The following ARHGAP39 variants were observed in gnomAD, a reference collection of about 807,000 sequenced individuals.
ARHGAP39 encodes rho GTPase-activating protein 39.
A neutral mutation model predicts 106.9 loss-of-function variants in ARHGAP39; 44 were observed. The ratio of observed to expected loss-of-function variants is 0.41; its 90% CI spans 0.32 to 0.53. The LOEUF is 0.53. ARHGAP39 is among the 20% of genes least tolerant of loss of function. The pLI, the probability that ARHGAP39 is intolerant of heterozygous loss-of-function variation, is 0.21. For synonymous variants in ARHGAP39, 768 were observed against 693.2 expected (o/e 1.11, Z -1.69); for missense variants, 1,496 against 1,577.3 (o/e 0.95, Z 0.87).
intron 2 of ARHGAP39, among the ~76,000 whole-genome samples, chr8:144,590,719 A>G (rs111715738): frequency 0.12 from 17,496 of 152,126 alleles, 2,262 homozygotes; most frequent in African/African-American, 0.32. Flanking sequence ...TGTGCACTGA[A>G]GGGGTCTTTG....
intron 2 of ARHGAP39, among the ~76,000 whole-genome samples, chr8:144,587,038 A>G (rs373642936): frequency 2.0e-3 from 310 of 152,260 alleles, no homozygotes; most frequent in African/African-American, 6.8e-3. Context: ...ATGGTTTTAC[A>G]AGGGGCCTCC....
In ARHGAP39 at chr8:144,642,492, A is replaced by G. The variant is rs542670363; in HGVS notation, c.-81-36797T>C. 4.9e-4 allele frequency among the ~76,000 whole-genome samples: 75 copies of G among 151,532 alleles called. 1 individual carries two copies. The Middle Eastern group carries it at 0.01, about 21-fold the overall frequency. ...ACAGAGTGAGACTCCGTCTTAGGGG[A>G]AAAAAAATAGATAAAAATTAAAAAA... On this transcript the variant is annotated intron_variant, in intron 1 of 11. Transcript: ENST00000377307.
At chr8:144,650,000 G>A (rs1182082223) in intron 1 of ARHGAP39, among the ~76,000 whole-genome samples, 7 of 151,718 alleles carry the variant, frequency 4.6e-5, no homozygotes, top group East Asian at 1.9e-4. Context: ...AAAACCAGCC[G>A]GGCATGGTGG....
chr8:144,687,155 AC>A (rs570931136), upstream of ARHGAP39, among the ~76,000 whole-genome samples: 8 of 14,390 alleles, frequency 5.6e-4, no homozygotes, highest in South Asian at 3.3e-3. Flanking sequence ...AGCATTTCCC[AC>A]CCCCGTGACC....
At position 144,591,403 on chromosome 8, in the gene ARHGAP39, G is replaced by T. The variant is rs181051798; in HGVS notation, c.81-10126C>A. Among the ~76,000 whole-genome samples the T allele has an allele frequency of 3.3e-5, 5 of 152,324 alleles. No individual in the cohort carries two copies. The East Asian group carries it at 7.7e-4, about 24-fold the overall frequency. On this transcript the variant is annotated intron_variant, in intron 2 of 11. Transcript: ENST00000377307. This position sits in a 1 kb window ranked among gnomAD's most constrained non-coding sequence, Gnocchi z 5.3. The stretch of plus-strand genomic sequence containing the variant: ...CTGCAGGAAACTTGTCTTGAGGCCT[G>T]GGGGGACCAAAGGTAGCAGGGCCAC...
At chr8:144,596,901 A>C (rs988317573) in intron 2 of ARHGAP39, among the ~76,000 whole-genome samples, 19 of 152,142 alleles carry the variant, frequency 1.2e-4, no homozygotes, top group African/African-American at 4.6e-4. Context: ...CCACCTTCCC[A>C]ACTCTCCCTC....
chr8:144,663,774 C>A (rs1404912482), intron 1 of ARHGAP39, among the ~76,000 whole-genome samples: 1 of 152,218 alleles, frequency 6.6e-6, no homozygotes, highest in African/African-American at 2.4e-5. Context: ...ACTTCAGGCT[C>A]ATAAATGCAG....
Position 144,545,787 on chromosome 8 carries a change from G to T in ARHGAP39, c.1983C>A (p.Ala661=). Residue 661 remains alanine (A), a synonymous_variant, in exon 6 of 12, where the codon GCC becomes GCA. Transcript: ENST00000377307. The part of the protein sequence containing the change: ...PSQSEDLAAC[A]QFESSRQSRS... ...GGCTCTGCCGGCTGCTCTCGAACTG[G>T]GCACAGGCAGCGAGGTCCTCAGACT... 1 of 1,574,134 alleles carries T rather than the reference G, an allele frequency of 6.4e-7. No individual in the cohort carries two copies. Among genetic ancestry groups the T allele is most frequent in the Non-Finnish European group, 8.6e-7 (1 of 1,160,798 alleles).
At chr8:144,623,866 A>C (rs184296617) in intron 1 of ARHGAP39, among the ~76,000 whole-genome samples, 27 of 152,356 alleles carry the variant, frequency 1.8e-4, no homozygotes, top group Non-Finnish European at 3.7e-4. Context: ...AGAGCAGACA[A>C]AAAGCCTCCC....
At chr8:144,556,153 C>T (rs1053520067) in intron 3 of ARHGAP39, among the ~76,000 whole-genome samples, 1 of 151,912 alleles carries the variant, frequency 6.6e-6, no homozygotes, top group Non-Finnish European at 1.5e-5. Flanking sequence ...GGCGTGGTGG[C>T]GGGCGCCTGT....
chr8:144,619,968 G>C (rs1041509774), intron 1 of ARHGAP39, among the ~76,000 whole-genome samples: 10 of 150,538 alleles, frequency 6.6e-5, no homozygotes, highest in African/African-American at 9.8e-5. Context: ...GTGTGCGTGT[G>C]AGCCTGTGCA....
In ARHGAP39 at chr8:144,622,255, C is replaced by T. The variant is rs190878331; in HGVS notation, c.-81-16560G>A. Among the ~76,000 whole-genome samples, 14 of 152,182 alleles carry T rather than the reference C, an allele frequency of 9.2e-5. No individual in the cohort carries two copies. The East Asian group carries it at 1.7e-3, about 19-fold the overall frequency. On this transcript the variant is annotated intron_variant, in intron 1 of 11. Transcript: ENST00000377307. ...CACCAGAGGAGCGGAGGCTGAGTGG[C>T]CAAGGCTGAGGTGAGCTGCCTCTGG...
chr8:144,647,169 A>G lies in ARHGAP39; in HGVS notation c.-82+38517T>C, dbSNP rs1173866263. On this transcript the variant is annotated intron_variant, in intron 1 of 11. Transcript: ENST00000377307. This position sits in a 1 kb window ranked among gnomAD's most constrained non-coding sequence, Gnocchi z 4.8. ...TTTTTCGTAGAGACGGGGTTTCACCATGTTAGCCAGGATGGTCTTGATCTC... is the reference window on the plus strand; with the variant it reads ...TTTTTCGTAGAGACGGGGTTTCACCGTGTTAGCCAGGATGGTCTTGATCTC... Among the ~76,000 whole-genome samples the G allele has an allele frequency of 1.3e-5, 2 of 151,750 alleles. No individual in the cohort carries two copies. Among genetic ancestry groups the G allele is most frequent in the African/African-American group, 4.8e-5 (2 of 41,252 alleles).
chr8:144,657,708 T>C (rs1281086655), intron 1 of ARHGAP39, among the ~76,000 whole-genome samples: 1 of 152,184 alleles, frequency 6.6e-6, no homozygotes, highest in African/African-American at 2.4e-5. Context: ...ATCAGTGTAA[T>C]TCACCATATT....
chr8:144,609,227 T>A (rs949151392), intron 1 of ARHGAP39, among the ~76,000 whole-genome samples: 6 of 152,338 alleles, frequency 3.9e-5, no homozygotes, highest in East Asian at 1.9e-4. Context: ...AGTTATTTTT[T>A]AAATTAGGAA....
chr8:144,632,793 C>T (rs1821095933), intron 1 of ARHGAP39, among the ~76,000 whole-genome samples: 2 of 152,208 alleles, frequency 1.3e-5, no homozygotes, highest in South Asian at 4.1e-4. Flanking sequence ...TAATTTCTCA[C>T]AAACCCAAAC....
At position 144,547,501 on chromosome 8, in the gene ARHGAP39, A is replaced by ACGGGGGCTGTTCCTCGGC. The variant is rs1817491806; in HGVS notation, c.1567_1584dup (p.Ala523_Pro528dup). On this transcript the variant is annotated inframe_insertion, in exon 5 of 12. Coordinates refer to ENST00000377307, the MANE Select transcript of ARHGAP39 (RefSeq NM_025251.3). The surrounding 1 kb of genome is among the most constrained non-coding windows in gnomAD (Gnocchi z 5.2). Reference sequence around the variant, plus strand: ...TTCACGGGGGCGAGGCTGGTCCCGCACGGGGGCTGTTCCTCGGCCAGGGGC... The same window carrying ACGGGGGCTGTTCCTCGGC: ...TTCACGGGGGCGAGGCTGGTCCCGCACGGGGGCTGTTCCTCGGCCGGGGGCTGTTCCTCGGCCAGGGGC... 1 of 1,505,564 alleles carries ACGGGGGCTGTTCCTCGGC rather than the reference A, an allele frequency of 6.6e-7. No homozygotes were observed. Among genetic ancestry groups the ACGGGGGCTGTTCCTCGGC allele is most frequent in the Non-Finnish European group, 8.8e-7 (1 of 1,131,106 alleles). The allele number at this position is 1,505,564 out of a possible 1,614,324, so 93.3% of individuals were successfully genotyped here.
Position 144,534,113 on chromosome 8 carries a change from C to A in ARHGAP39, c.2688+16G>T. 6.2e-7 allele frequency: 1 copy of A among 1,611,908 alleles called. No homozygotes were observed. The highest frequency in any genetic ancestry group is 8.5e-7 in the Non-Finnish European group (1 of 1,179,414). ...GTCCCCGCCTGCCCTCCCCGGCCCC[C>A]CAGGCGCACCCGTACCTTCTTGGCC... On this transcript the variant is annotated intron_variant, in intron 8 of 11. Coordinates refer to ENST00000377307, the MANE Select transcript of ARHGAP39 (RefSeq NM_025251.3).
Position 144,645,103 on chromosome 8 carries a change from C to G in ARHGAP39, c.-81-39408G>C, listed in dbSNP as rs1821409825. Among the ~76,000 whole-genome samples the G allele has an allele frequency of 6.6e-6, 1 of 152,232 alleles. No homozygotes were observed. The highest frequency in any genetic ancestry group is 1.5e-5 in the Non-Finnish European group (1 of 68,040). ...AACACTGGGCAGGTCCACAGTTAAA[C>G]TGCAACTCTCTAACAAGAAGTGGGT... On this transcript the variant is annotated intron_variant, in intron 1 of 11. Coordinates refer to ENST00000377307, the MANE Select transcript of ARHGAP39 (RefSeq NM_025251.3). This position sits in a 1 kb window ranked among gnomAD's most constrained non-coding sequence, Gnocchi z 4.4.
Sources: allele counts gnomAD v4.1 joint callset (sites outside exome capture counted in the v4.1 genomes callset), GRCh38; gene constraint gnomAD v4.1.1; non-coding constraint Gnocchi (gnomAD v3.1); transcripts MANE v1.5; gene names NCBI Gene and HGNC (gene_info 2026-07-23, HGNC 2026-07-21).